Variants in EPHA6 observed in about 807,000 individuals in gnomAD.
The protein encoded by EPHA6 is EPH receptor A6.
In EPHA6, 50 loss-of-function variants were observed where a neutral mutation model predicts 112.0. The observed-to-expected ratio is 0.45, with a 90% confidence interval of 0.36 to 0.56. The LOEUF (loss-of-function observed/expected upper bound fraction) is 0.56, where lower values mean the gene tolerates loss of function less well. EPHA6 is among the 20% of genes least tolerant of loss of function. The pLI is 0.00. For synonymous variants in EPHA6, 529 were observed against 490.7 expected (o/e 1.08, Z -1.03); for missense variants, 1,280 against 1,417.4 (o/e 0.90, Z 1.56).
chr3:97,739,965 C>G (rs2035429778), intron 16 of EPHA6, among the ~76,000 whole-genome samples: 1 of 152,058 alleles, frequency 6.6e-6, no homozygotes, highest in South Asian at 2.1e-4. Flanking sequence ...AGAAAGGACC[C>G]AGCTTAAGGC....
At chr3:96,945,116 A>G (rs867411799) in intron 2 of EPHA6, among the ~76,000 whole-genome samples, 1 of 152,210 alleles carries the variant, frequency 6.6e-6, no homozygotes, top group Non-Finnish European at 1.5e-5. Flanking sequence ...TGAGAAACAG[A>G]TATCTGTGAT....
chr3:97,513,638 T>C (rs1388267349), intron 10 of EPHA6, among the ~76,000 whole-genome samples: 1 of 148,228 alleles, frequency 6.7e-6, no homozygotes, highest in African/African-American at 2.5e-5. Context: ...CTCTTAGAAA[T>C]AGAGCATAGA....
At chr3:96,977,305 A>G (rs1371554211) in intron 2 of EPHA6, among the ~76,000 whole-genome samples, 2 of 152,138 alleles carry the variant, frequency 1.3e-5, no homozygotes, top group African/African-American at 4.8e-5. Flanking sequence ...TATAAGTGGG[A>G]GCTAAATAAT....
chr3:97,536,223 C>A (rs1178947538), intron 11 of EPHA6, among the ~76,000 whole-genome samples: 1 of 152,014 alleles, frequency 6.6e-6, no homozygotes, highest in African/African-American at 2.4e-5. Context: ...AACTATATAA[C>A]CAACAGAGAA....
rs192703170 is a variant in EPHA6, at chr3:97,761,353, G to A, written c.*12652G>A. The A allele has an allele frequency of 5.3e-6, 1 of 188,448 alleles. No individual in the cohort carries two copies. Among genetic ancestry groups the A allele is most frequent in the East Asian group, 8.5e-5 (1 of 11,794 alleles). 11.7% of individuals were successfully genotyped at this position (188,448 alleles called of 1,614,324 possible). A position where few individuals can be genotyped will look rare whatever the true frequency, so the allele number is the denominator to read the frequency against. On this transcript the variant is annotated 3_prime_UTR_variant, in exon 18 of 18. Coordinates refer to ENST00000389672, the MANE Select transcript of EPHA6 (RefSeq NM_001080448.3). ...CATCTATTTGCTGAAAGAATATGCTGTTTAGCAAACTACCTGCTGAGCAAC... is the reference window on the plus strand; with the variant it reads ...CATCTATTTGCTGAAAGAATATGCTATTTAGCAAACTACCTGCTGAGCAAC...
chr3:97,003,444 G>T (rs2043747727), intron 3 of EPHA6, among the ~76,000 whole-genome samples: 1 of 152,116 alleles, frequency 6.6e-6, no homozygotes, highest in African/African-American at 2.4e-5. Flanking sequence ...TGAGTTGAAT[G>T]TTGGAAATTA....
At chr3:97,709,488 C>T (rs1191624316) in intron 14 of EPHA6, among the ~76,000 whole-genome samples, 3 of 152,180 alleles carry the variant, frequency 2.0e-5, no homozygotes, top group Non-Finnish European at 4.4e-5. Flanking sequence ...TTTATAGGTT[C>T]ATAGGTGGAA....
chr3:97,641,122 T>C (rs933234112), intron 14 of EPHA6, among the ~76,000 whole-genome samples: 2 of 152,328 alleles, frequency 1.3e-5, no homozygotes, highest in South Asian at 4.1e-4. Context: ...AGAGATGACC[T>C]GGCTAATGGT....
intron 3 of EPHA6, among the ~76,000 whole-genome samples, chr3:97,047,162 A>T (rs1335099109): frequency 6.6e-6 from 1 of 152,124 alleles, no homozygotes. Context: ...CTATTAAAAA[A>T]TACTAAACAT....
At chr3:97,284,653 A>C (rs1305053113) in intron 5 of EPHA6, among the ~76,000 whole-genome samples, 1 of 152,216 alleles carries the variant, frequency 6.6e-6, no homozygotes, top group Non-Finnish European at 1.5e-5. Flanking sequence ...ACTATGGAGT[A>C]GAAGTACTGA....
intron 3 of EPHA6, among the ~76,000 whole-genome samples, chr3:97,187,441 G>A (rs550425754): frequency 8.8e-4 from 133 of 151,768 alleles, no homozygotes; most frequent in Non-Finnish European, 1.8e-3. Flanking sequence ...ATGGTGGCAG[G>A]CACCTGTAGT....
intron 2 of EPHA6, among the ~76,000 whole-genome samples, chr3:96,944,224 A>T (rs2041132975): frequency 6.6e-6 from 1 of 152,168 alleles, no homozygotes; most frequent in African/African-American, 2.4e-5. Flanking sequence ...TCTACTTTAA[A>T]ACTTAATGTT....
intron 2 of EPHA6, among the ~76,000 whole-genome samples, chr3:96,939,215 G>A (rs539637168): frequency 2.6e-5 from 4 of 152,240 alleles, no homozygotes; most frequent in South Asian, 4.1e-4. Flanking sequence ...GGTAGAATTC[G>A]GCTGTGAATC....
At chr3:97,666,025 C>A (rs2030059865) in intron 14 of EPHA6, among the ~76,000 whole-genome samples, 1 of 150,510 alleles carries the variant, frequency 6.6e-6, no homozygotes, top group African/African-American at 2.5e-5. Context: ...CCGTTACACT[C>A]CAGCTGGGGA....
At chr3:97,433,326 C>G (rs1457928213) in intron 6 of EPHA6, among the ~76,000 whole-genome samples, 3 of 152,106 alleles carry the variant, frequency 2.0e-5, no homozygotes, top group African/African-American at 7.2e-5. Flanking sequence ...TTGATGAAGA[C>G]TCAAAATCTC....
At chr3:97,524,982 C>T (rs2092597953) in intron 10 of EPHA6, among the ~76,000 whole-genome samples, 1 of 152,056 alleles carries the variant, frequency 6.6e-6, no homozygotes, top group African/African-American at 2.4e-5. Flanking sequence ...GAGTTTATCT[C>T]TATTGAGTTT....
chr3:97,220,222 C>T (rs1559806984), intron 3 of EPHA6, among the ~76,000 whole-genome samples: 1 of 152,166 alleles, frequency 6.6e-6, no homozygotes, highest in Admixed American at 6.5e-5. Flanking sequence ...CCCACATCTT[C>T]CTGTCTTCTT....
chr3:97,223,692 T>C (rs536295104), intron 3 of EPHA6, among the ~76,000 whole-genome samples: 1 of 152,220 alleles, frequency 6.6e-6, no homozygotes, highest in East Asian at 1.9e-4. Context: ...TTTAAGGAGA[T>C]CATCAGCTAC....
At chr3:97,573,040 T>A (rs2093350154) in intron 11 of EPHA6, among the ~76,000 whole-genome samples, 1 of 152,156 alleles carries the variant, frequency 6.6e-6, no homozygotes, top group Non-Finnish European at 1.5e-5. Context: ...TAAAACATAT[T>A]TTATCACTAT....
Sources: allele counts gnomAD v4.1 joint callset (sites outside exome capture counted in the v4.1 genomes callset), GRCh38; gene constraint gnomAD v4.1.1; transcripts MANE v1.5; gene names NCBI Gene and HGNC (gene_info 2026-07-23, HGNC 2026-07-21).